Variants in LMO7 observed in about 807,000 individuals in gnomAD.
The protein encoded by LMO7 is LIM domain 7, also known as LIM domain only protein 7.
LMO7 carries 120 observed loss-of-function variants against 206.5 expected under a neutral mutation model. The observed-to-expected ratio is 0.58, with a 90% CI of 0.50 to 0.68. The LOEUF is 0.68. Among genes scored for constraint, LMO7 ranks in the 30% least tolerant of loss-of-function variants. LMO7 has a pLI of 0.00. For missense variants in LMO7, 1,959 were observed against 1,957.9 expected (o/e 1.00, Z -0.01); for synonymous variants, 706 against 681.5 (o/e 1.04, Z -0.56).
At chr13:75,625,722 GC>G (rs765127777) in intron 2 of LMO7, among the ~76,000 whole-genome samples, 28 of 152,302 alleles carry the variant, frequency 1.8e-4, no homozygotes, top group Middle Eastern at 6.8e-3. Flanking sequence ...TAGTCCAAGA[GC>G]TTGGGAGAGA....
intron 15 of LMO7, among the ~76,000 whole-genome samples, chr13:75,825,365 A>G (rs924496251): frequency 3.5e-4 from 54 of 152,284 alleles, no homozygotes; most frequent in Non-Finnish European, 5.6e-4. Context: ...AGCCTGAATC[A>G]TGTGCTGCAC....
intron 3 of LMO7, among the ~76,000 whole-genome samples, chr13:75,737,684 C>A (rs71433202): frequency 8.0e-6 from 1 of 125,606 alleles, no homozygotes; most frequent in African/African-American, 3.1e-5. Flanking sequence ...ACCTGGGAGG[C>A]GGAGCTTGCA....
At chr13:75,784,727 A>C (rs1330348728) in intron 4 of LMO7, among the ~76,000 whole-genome samples, 2 of 152,228 alleles carry the variant, frequency 1.3e-5, no homozygotes, top group Non-Finnish European at 2.9e-5. Flanking sequence ...AATGTGTTTA[A>C]TTTCCACAAA....
rs192146755 is a variant in LMO7 at position 75,817,314 on chromosome 13, T to C, written c.2064+36T>C. ...TGGGGATTGGAGGGGAGAGAGTGTA[T>C]TTGTCTAACTTTTCTTTGCTTCTCT... On this transcript the variant is annotated intron_variant, in intron 12 of 30. Transcript: ENST00000377534. 268 of 1,324,350 alleles carry C rather than the reference T, an allele frequency of 2.0e-4. 2 individuals carry two copies. The African/African-American group carries it at 3.6e-3, about 18-fold the overall frequency. The allele number at this position is 1,324,350 out of a possible 1,614,324, so 82.0% of individuals were successfully genotyped here.
At chr13:75,698,641 G>A (rs1566322166) in intron 1 of LMO7, among the ~76,000 whole-genome samples, 1 of 149,964 alleles carries the variant, frequency 6.7e-6, no homozygotes, top group Admixed American at 6.7e-5. Flanking sequence ...GGCATTTAGA[G>A]TACAGGAATC....
intron 3 of LMO7, among the ~76,000 whole-genome samples, chr13:75,737,668 G>T (rs1210319439): frequency 1.4e-5 from 2 of 139,658 alleles, no homozygotes; most frequent in East Asian, 4.2e-4. Flanking sequence ...CAGGAGGATG[G>T]CGTGAACCTG....
intron 1 of LMO7, among the ~76,000 whole-genome samples, chr13:75,679,109 A>G (rs1402229893): frequency 6.6e-6 from 1 of 152,114 alleles, no homozygotes; most frequent in African/African-American, 2.4e-5. Flanking sequence ...TCTTTTCATG[A>G]CACAGAATAT....
In LMO7 at chr13:75,796,632, TAAG is replaced by T. The variant is rs1595078245; in HGVS notation, c.349-3_349-1del. 8 of 1,561,046 alleles carry T rather than the reference TAAG, an allele frequency of 5.1e-6. No homozygotes were observed. Among genetic ancestry groups the T allele is most frequent in the East Asian group, 2.3e-5 (1 of 44,216 alleles). ...TGTTGTTCATGGATTTTTTTTTTTT[TAAG>T]GTTTTGATAACATTGTACTGGCTGG... On this transcript the variant is annotated splice_acceptor_variant and splice_polypyrimidine_tract_variant and intron_variant, in intron 5 of 30. Transcript: ENST00000377534. LOFTEE classifies it high-confidence loss of function.
chr13:75,692,962 A>G (rs1171232969), intron 1 of LMO7, among the ~76,000 whole-genome samples: 1 of 152,236 alleles, frequency 6.6e-6, no homozygotes. Flanking sequence ...TAGAGTTTAC[A>G]GGGCACTCTG....
intron 1 of LMO7, among the ~76,000 whole-genome samples, chr13:75,660,396 AG>A (rs1462149416): frequency 2.0e-5 from 3 of 152,250 alleles, no homozygotes; most frequent in Admixed American, 6.5e-5. Context: ...ATCATTTCAA[AG>A]AACCAATTTT....
intron 4 of LMO7, among the ~76,000 whole-genome samples, chr13:75,777,897 G>A (rs1340351351): frequency 2.0e-5 from 3 of 151,908 alleles, no homozygotes; most frequent in Admixed American, 1.3e-4. Context: ...CGCCCGCCTC[G>A]GCCTCCCAAA....
intron 2 of LMO7, among the ~76,000 whole-genome samples, chr13:75,720,409 A>G (rs1376907644): frequency 3.9e-5 from 6 of 152,200 alleles, no homozygotes; most frequent in African/African-American, 1.4e-4. Flanking sequence ...TCATTGTCAA[A>G]CCTAAAGTCT....
At chr13:75,717,710 G>A (rs1286629324) in intron 2 of LMO7, among the ~76,000 whole-genome samples, 6 of 152,106 alleles carry the variant, frequency 3.9e-5, no homozygotes, top group Non-Finnish European at 1.5e-5. Context: ...CTATCTTTTT[G>A]TTGGAGTTGG....
At chr13:75,665,686 C>T (rs1200931456) in intron 1 of LMO7, among the ~76,000 whole-genome samples, 6 of 152,096 alleles carry the variant, frequency 3.9e-5, no homozygotes, top group African/African-American at 1.4e-4. Flanking sequence ...GCCACCATGC[C>T]CGGCTAATTT....
chr13:75,780,464 A>G (rs1016917885), intron 4 of LMO7, among the ~76,000 whole-genome samples: 7 of 152,212 alleles, frequency 4.6e-5, no homozygotes, highest in Non-Finnish European at 1.0e-4. Context: ...CCGGCCCTGC[A>G]GGCAGTCAGA....
rs539972852 is a variant in LMO7 at position 75,834,437 on chromosome 13, G to A, written c.3226+50G>A. 1.4e-4 allele frequency: 190 copies of A among 1,376,044 alleles called. No individual in the cohort carries two copies. In the South Asian group the frequency reaches 2.3e-3, roughly 17 times the overall value. The allele number at this position is 1,376,044 out of a possible 1,614,324, so 85.2% of individuals were successfully genotyped here. On this transcript the variant is annotated intron_variant, in intron 17 of 30. Transcript: ENST00000377534. ...TGGCATTTGAAACTGGGACCTGGCCGTTGGCAAGTGGTTCTAACAATTTGC... is the reference window on the plus strand; with the variant it reads ...TGGCATTTGAAACTGGGACCTGGCCATTGGCAAGTGGTTCTAACAATTTGC...
chr13:75,798,214 T>C (rs777783592), intron 6 of LMO7, among the ~76,000 whole-genome samples: 4 of 152,056 alleles, frequency 2.6e-5, no homozygotes, highest in African/African-American at 9.7e-5. Context: ...CTACTAAAAA[T>C]ACAAAATTAG....
intron 3 of LMO7, among the ~76,000 whole-genome samples, chr13:75,750,233 T>G (rs2047164337): frequency 6.6e-6 from 1 of 152,200 alleles, no homozygotes; most frequent in Non-Finnish European, 1.5e-5. Context: ...TTTGGTGATC[T>G]AATAGTAAAC....
intron 1 of LMO7, among the ~76,000 whole-genome samples, chr13:75,653,427 G>A (rs560252953): frequency 2.4e-4 from 36 of 152,304 alleles, no homozygotes; most frequent in Non-Finnish European, 4.1e-4. Context: ...CACTTCACTT[G>A]TAATTAGTTG....
Sources: gnomAD v4.1 joint callset for allele counts (sites outside exome capture counted in the v4.1 genomes callset) on GRCh38, gnomAD v4.1.1 for gene constraint, MANE v1.5 for transcripts, NCBI Gene and HGNC (gene_info 2026-07-23, HGNC 2026-07-21) for gene names.